RBFOX1: variants seen among roughly 807,000 people sequenced by gnomAD.
RBFOX1 encodes RNA binding protein fox-1 homolog 1.
In RBFOX1, 8 loss-of-function variants were observed where a neutral mutation model predicts 57.7. The observed-to-expected ratio is 0.14, with a 90% CI of 0.08 to 0.25. The LOEUF is 0.25. RBFOX1 is among the 10% of genes least tolerant of loss of function. The pLI, the probability that RBFOX1 is intolerant of heterozygous loss-of-function variation, is 1.00. For missense variants in RBFOX1, 611 were observed against 548.5 expected, an observed-to-expected ratio of 1.11 and a Z score of -1.14; for synonymous variants, 326 against 222.4, an observed-to-expected ratio of 1.47 and a Z score of -4.15.
At chr16:6,358,252 T>G (rs1392354820) in intron 2 of RBFOX1, among the ~76,000 whole-genome samples, 1 of 152,202 alleles carries the variant, frequency 6.6e-6, no homozygotes, top group East Asian at 1.9e-4. Context: ...CAAGGGACTT[T>G]TAACAGTTTC....
chr16:5,706,041 G>T (rs1294365097), intron 3 of RBFOX1, among the ~76,000 whole-genome samples: 1 of 152,164 alleles, frequency 6.6e-6, no homozygotes, highest in African/African-American at 2.4e-5. Context: ...CTCCTGAGGA[G>T]CTGGGATTAT....
At chr16:5,788,809 C>T (rs1197039909) in intron 3 of RBFOX1, among the ~76,000 whole-genome samples, 1 of 152,066 alleles carries the variant, frequency 6.6e-6, no homozygotes, top group Non-Finnish European at 1.5e-5. Context: ...TTTCTACCCA[C>T]CTCCCAAGTT....
At chr16:6,741,519 C>G (rs1205300208) in intron 3 of RBFOX1, among the ~76,000 whole-genome samples, 1 of 151,682 alleles carries the variant, frequency 6.6e-6, no homozygotes, top group Admixed American at 6.6e-5. Flanking sequence ...CAAATTTTAG[C>G]CAGGCTAACT....
intron 2 of RBFOX1, among the ~76,000 whole-genome samples, chr16:5,480,895 G>C (rs372966737): frequency 6.6e-6 from 1 of 152,182 alleles, no homozygotes; most frequent in African/African-American, 2.4e-5. Flanking sequence ...TCACTGAAAC[G>C]TTATTGCCAC....
intron 1 of RBFOX1, among the ~76,000 whole-genome samples, chr16:6,211,052 C>A (rs943589129): frequency 6.6e-6 from 1 of 152,094 alleles, no homozygotes; most frequent in African/African-American, 2.4e-5. Flanking sequence ...ACACATAGCA[C>A]TGGGGCAAAC....
At chr16:7,386,693 T>G (rs185138883) in intron 4 of RBFOX1, among the ~76,000 whole-genome samples, 1 of 152,188 alleles carries the variant, frequency 6.6e-6, no homozygotes, top group African/African-American at 2.4e-5. Context: ...ATCATACGTG[T>G]GCATGTATCT....
intron 2 of RBFOX1, among the ~76,000 whole-genome samples, chr16:6,628,448 A>G (rs919022352): frequency 2.0e-5 from 3 of 152,206 alleles, no homozygotes; most frequent in Non-Finnish European, 4.4e-5. Flanking sequence ...AGAAAATATG[A>G]AAGAATCATA....
chr16:5,793,325 G>C (rs2054767821), intron 3 of RBFOX1, among the ~76,000 whole-genome samples: 1 of 152,202 alleles, frequency 6.6e-6, no homozygotes, highest in Non-Finnish European at 1.5e-5. Context: ...GTTTGTTTCT[G>C]TCTTTTCTTG....
chr16:7,250,302 G>C (rs1315664066), intron 4 of RBFOX1, among the ~76,000 whole-genome samples: 1 of 152,104 alleles, frequency 6.6e-6, no homozygotes, highest in Non-Finnish European at 1.5e-5. Context: ...TTTTTTTGCT[G>C]TTCCTGGGAG....
chr16:7,269,674 A>G (rs2095268909), intron 4 of RBFOX1, among the ~76,000 whole-genome samples: 1 of 152,194 alleles, frequency 6.6e-6, no homozygotes, highest in Non-Finnish European at 1.5e-5. Flanking sequence ...GAAATTTTTT[A>G]TCTTTCTCCC....
chr16:6,859,476 A>C (rs1399444776), intron 3 of RBFOX1, among the ~76,000 whole-genome samples: 1 of 151,726 alleles, frequency 6.6e-6, no homozygotes, highest in Non-Finnish European at 1.5e-5. Context: ...ACAGTTGCTC[A>C]CTCTTGTTCA....
chr16:6,209,609 C>T (rs2097279276), intron 1 of RBFOX1, among the ~76,000 whole-genome samples: 1 of 152,238 alleles, frequency 6.6e-6, no homozygotes, highest in Admixed American at 6.5e-5. Context: ...GTGATCCTGC[C>T]ACCATCCTCC....
intron 4 of RBFOX1, among the ~76,000 whole-genome samples, chr16:7,300,927 T>G (rs1326103970): frequency 6.6e-6 from 1 of 152,182 alleles, no homozygotes; most frequent in Non-Finnish European, 1.5e-5. Context: ...GGGTGGCCCT[T>G]GAATGCATAT....
intron 4 of RBFOX1, among the ~76,000 whole-genome samples, chr16:5,970,843 C>A (rs766356293): frequency 1.3e-5 from 2 of 152,210 alleles, no homozygotes; most frequent in Non-Finnish European, 2.9e-5. Context: ...GCAAGATACT[C>A]ATTTTTCATT....
chr16:6,928,043 T>C (rs2075919814), intron 3 of RBFOX1, among the ~76,000 whole-genome samples: 1 of 152,148 alleles, frequency 6.6e-6, no homozygotes, highest in African/African-American at 2.4e-5. Context: ...ATTTATAATT[T>C]CCCCAACTTG....
intron 4 of RBFOX1, among the ~76,000 whole-genome samples, chr16:7,374,934 C>A (rs1236795249): frequency 6.6e-6 from 1 of 152,150 alleles, no homozygotes; most frequent in Non-Finnish European, 1.5e-5. Flanking sequence ...TCTGCACTTA[C>A]AAATTTAAAC....
chr16:6,703,974 T>G (rs1254679434), intron 3 of RBFOX1: 1 of 152,430 alleles, frequency 6.6e-6, no homozygotes, highest in African/African-American at 2.4e-5. Flanking sequence ...CCAGTCCCCC[T>G]GCTTTGATTT....
chr16:6,586,430 T>A (rs2153982332), intron 2 of RBFOX1, among the ~76,000 whole-genome samples: 1 of 152,346 alleles, frequency 6.6e-6, no homozygotes. Flanking sequence ...TTTGTGACTT[T>A]CTTTTGTTCT....
chr16:6,992,125 C>G (rs2091571547), intron 3 of RBFOX1, among the ~76,000 whole-genome samples: 1 of 152,034 alleles, frequency 6.6e-6, no homozygotes, highest in Non-Finnish European at 1.5e-5. Flanking sequence ...CTCTTCCTTT[C>G]CAGTCTGTGT....
Sources: allele counts gnomAD v4.1 joint callset (sites outside exome capture counted in the v4.1 genomes callset), GRCh38; gene constraint gnomAD v4.1.1; transcripts MANE v1.5; gene names NCBI Gene and HGNC (gene_info 2026-07-23, HGNC 2026-07-21).